Variants in ARHGAP18 observed in about 807,000 individuals in gnomAD.
The protein encoded by ARHGAP18 is rho GTPase-activating protein 18.
Under a neutral mutation model 86.2 loss-of-function variants are expected in ARHGAP18, and 67 were observed. That is an observed-to-expected ratio of 0.78 (90% CI 0.64 to 0.95). The LOEUF (loss-of-function observed/expected upper bound fraction) is 0.95. Among genes scored for constraint, ARHGAP18 ranks in the 40% least tolerant of loss-of-function variants. The probability of loss-of-function intolerance (pLI) is 0.00; values close to 1 mark genes in which losing one functional copy is unlikely to be tolerated. For synonymous variants in ARHGAP18, 283 were observed against 280.4 expected (o/e 1.01, Z -0.09); for missense variants, 691 against 780.4 (o/e 0.89, Z 1.37).
chr6:129,700,598 C>G (rs1353633230), intron 1 of ARHGAP18, among the ~76,000 whole-genome samples: 1 of 152,212 alleles, frequency 6.6e-6, no homozygotes, highest in Non-Finnish European at 1.5e-5. Context: ...CACAACAATG[C>G]TTTCCTATAC....
At chr6:129,662,973 A>G (rs1773980702) in intron 1 of ARHGAP18, among the ~76,000 whole-genome samples, 1 of 152,246 alleles carries the variant, frequency 6.6e-6, no homozygotes, top group Non-Finnish European at 1.5e-5. Context: ...ATTAAATTTA[A>G]TAATTTGTCA....
At chr6:129,660,946 T>C (rs1467749645) in intron 1 of ARHGAP18, among the ~76,000 whole-genome samples, 4 of 151,566 alleles carry the variant, frequency 2.6e-5, no homozygotes, top group Non-Finnish European at 1.5e-5. Flanking sequence ...ACAATGACTT[T>C]CTTGTTAAGT....
rs1448180506 is a variant in ARHGAP18, at chr6:129,676,912, CCTCTTTTTTTTT to C, written c.113+33100_113+33111del. 2.2e-3 allele frequency among the ~76,000 whole-genome samples: 226 copies of C among 103,864 alleles called. 3 individuals carry two copies. The highest frequency in any genetic ancestry group is 2.7e-3 in the Non-Finnish European group (147 of 55,218). The allele number at this position is 103,864 out of a possible 152,430, so 68.1% of individuals were successfully genotyped here. ...TGAAAACAGATGAAAAATTTTTTGT[CCTCTTTTTTTTT>C]TTTTTTTTTTTTTTTTTTTTTTTTA... is the stretch of plus-strand genomic sequence containing the variant. On this transcript the variant is annotated intron_variant, in intron 1 of 14. Coordinates refer to ENST00000368149, the MANE Select transcript of ARHGAP18 (RefSeq NM_033515.3).
chr6:129,651,404 AT>A (rs1405189893), intron 1 of ARHGAP18, among the ~76,000 whole-genome samples: 1 of 152,194 alleles, frequency 6.6e-6, no homozygotes, highest in Admixed American at 6.5e-5. Flanking sequence ...CACACATTCC[AT>A]AATTCCATTC....
chr6:129,626,831 T>G (rs1416762670), intron 5 of ARHGAP18, among the ~76,000 whole-genome samples: 1 of 152,080 alleles, frequency 6.6e-6, no homozygotes, highest in African/African-American at 2.4e-5. Context: ...TATGTGATAT[T>G]CTAAATATAT....
intron 11 of ARHGAP18, among the ~76,000 whole-genome samples, chr6:129,600,321 C>T (rs538860977): frequency 1.4e-3 from 211 of 152,200 alleles, no homozygotes; most frequent in African/African-American, 4.6e-3. Context: ...GTACAAAATG[C>T]ATGCATCCCT....
intron 1 of ARHGAP18, among the ~76,000 whole-genome samples, chr6:129,644,388 T>A (rs9385508): frequency 0.063 from 9,537 of 152,216 alleles, 412 homozygotes; most frequent in East Asian, 0.12. Flanking sequence ...AAATAAAAAA[T>A]ATATATTTTT....
intron 12 of ARHGAP18, among the ~76,000 whole-genome samples, chr6:129,598,121 G>T (rs1788657148): frequency 1.3e-5 from 2 of 151,948 alleles, no homozygotes; most frequent in South Asian, 2.1e-4. Flanking sequence ...ATTTACAATG[G>T]TCTTAGAGGT....
chr6:129,649,920 T>G (rs1773671400), intron 1 of ARHGAP18, among the ~76,000 whole-genome samples: 1 of 150,400 alleles, frequency 6.6e-6, no homozygotes, highest in East Asian at 1.9e-4. Context: ...TTTTGTTTTT[T>G]TTTTTTTTGG....
chr6:129,669,437 G>T (rs1349866152), intron 1 of ARHGAP18, among the ~76,000 whole-genome samples: 1 of 151,084 alleles, frequency 6.6e-6, no homozygotes. Flanking sequence ...TTCCCAAAGT[G>T]CTGGGATTAC....
At chr6:129,664,235 G>A (rs1370605455) in intron 1 of ARHGAP18, among the ~76,000 whole-genome samples, 1 of 152,226 alleles carries the variant, frequency 6.6e-6, no homozygotes, top group African/African-American at 2.4e-5. Context: ...TATCAAGACA[G>A]CAATAAACAT....
chr6:129,659,292 G>A (rs951909227), intron 1 of ARHGAP18, among the ~76,000 whole-genome samples: 1 of 152,148 alleles, frequency 6.6e-6, no homozygotes, highest in African/African-American at 2.4e-5. Context: ...GACAATTGCT[G>A]TCATTCCTTC....
chr6:129,620,767 C>A (rs1219956149), intron 5 of ARHGAP18, among the ~76,000 whole-genome samples: 2 of 152,202 alleles, frequency 1.3e-5, no homozygotes, highest in African/African-American at 2.4e-5. Context: ...AGCAGTAATT[C>A]TCAAAGTGTA....
chr6:129,664,192 G>C (rs2114521602), intron 1 of ARHGAP18, among the ~76,000 whole-genome samples: 1 of 152,310 alleles, frequency 6.6e-6, no homozygotes, highest in Non-Finnish European at 1.5e-5. Flanking sequence ...CCAATGATTG[G>C]CATCTGAATT....
At chr6:129,627,457 TC>T (rs150808900) in intron 5 of ARHGAP18, among the ~76,000 whole-genome samples, 1 of 151,614 alleles carries the variant, frequency 6.6e-6, no homozygotes, top group East Asian at 1.9e-4. Context: ...TAGTCTTGAC[TC>T]CCCCCCAAAA....
intron 10 of ARHGAP18, among the ~76,000 whole-genome samples, chr6:129,601,305 A>C (rs1788737473): frequency 6.6e-6 from 1 of 152,170 alleles, no homozygotes; most frequent in African/African-American, 2.4e-5. Flanking sequence ...GCTGATGTGG[A>C]ACTTATAAAG....
intron 8 of ARHGAP18, 56 bp from the exon 9 acceptor site, chr6:129,608,108 T>A: frequency 6.7e-7 from 1 of 1,498,546 alleles, no homozygotes; most frequent in Non-Finnish European, 8.8e-7. Flanking sequence ...AAGTGCATTT[T>A]TTTTCTTGCT....
chr6:129,616,233 T>C lies in ARHGAP18; in HGVS notation c.1023A>G (p.Arg341=). The C allele has an allele frequency of 2.5e-6, 4 of 1,611,624 alleles. No homozygotes were observed. Among genetic ancestry groups the C allele is most frequent in the Non-Finnish European group, 3.4e-6 (4 of 1,178,654 alleles). Residue 341 remains arginine (R), a synonymous_variant, in exon 7 of 15, where the codon CGA becomes CGG. Coordinates refer to ENST00000368149, the MANE Select transcript of ARHGAP18 (RefSeq NM_033515.3). ...CTACTTTTTGAAAGATCAAGGGTAT[T>C]CGCATTCCTGGTACTTTCCTCTGAT... The part of the protein sequence containing the change: ...EQDQRKVPGM[R]IPLIFQKLIS...
At chr6:129,618,072 CTGTT>C (rs1789132608) in intron 6 of ARHGAP18, among the ~76,000 whole-genome samples, 1 of 148,758 alleles carries the variant, frequency 6.7e-6, no homozygotes, top group Admixed American at 6.7e-5. Context: ...TAAAAATAAA[CTGTT>C]TATTTAATGG....
Sources: gnomAD v4.1 joint callset for allele counts (sites outside exome capture counted in the v4.1 genomes callset) on GRCh38, gnomAD v4.1.1 for gene constraint, MANE v1.5 for transcripts, NCBI Gene and HGNC (gene_info 2026-07-23, HGNC 2026-07-21) for gene names.